Variants in ALOX5AP observed in about 807,000 individuals in gnomAD.
ALOX5AP encodes the protein arachidonate 5-lipoxygenase-activating protein.
Under a neutral mutation model 18.5 loss-of-function variants are expected in ALOX5AP, and 9 were observed. The observed-to-expected ratio is 0.49, with a 90% CI of 0.29 to 0.85. The LOEUF is 0.85. Ranked by LOEUF, ALOX5AP falls within the 40% of genes least tolerant of loss-of-function variation. ALOX5AP has a pLI of 0.08. For missense variants in ALOX5AP, 172 were observed against 202.5 expected, an observed-to-expected ratio of 0.85 and a Z score of 0.91; for synonymous variants, 81 against 78.6, an observed-to-expected ratio of 1.03 and a Z score of -0.16.
At chr13:30,762,479 C>G (rs1951949712) in intron 4 of ALOX5AP, among the ~76,000 whole-genome samples, 1 of 151,816 alleles carries the variant, frequency 6.6e-6, no homozygotes, top group Admixed American at 6.6e-5. Flanking sequence ...ATCCCAGCTA[C>G]TCAGGAGGCT....
At chr13:30,758,782 T>C (rs888456478) in intron 4 of ALOX5AP, among the ~76,000 whole-genome samples, 12 of 151,900 alleles carry the variant, frequency 7.9e-5, no homozygotes, top group African/African-American at 2.7e-4. Flanking sequence ...TCTCTTCTCT[T>C]TTCCCCTTCC....
intron 1 of ALOX5AP, among the ~76,000 whole-genome samples, chr13:30,722,167 C>T (rs1431527961): frequency 6.6e-6 from 1 of 152,178 alleles, no homozygotes; most frequent in African/African-American, 2.4e-5. Context: ...GACATAATTC[C>T]TCATTTCACT....
chr13:30,760,842 C>T (rs1049539202), intron 4 of ALOX5AP, among the ~76,000 whole-genome samples: 1 of 152,162 alleles, frequency 6.6e-6, no homozygotes. Flanking sequence ...ACCTTCCTCA[C>T]TCATTTAGGA....
Position 30,751,468 on chromosome 13 carries a change from C to T in ALOX5AP, c.171-584C>T, listed in dbSNP as rs188276697. On this transcript the variant is annotated intron_variant, in intron 2 of 4. Coordinates refer to ENST00000380490, the MANE Select transcript of ALOX5AP (RefSeq NM_001629.4). ...AGAGAGGAAGGGTGCAAAACATCCA[C>T]GGTAGAGTGAGAACTCTCCAGGGAG... 4.0e-4 allele frequency among the ~76,000 whole-genome samples: 61 copies of T among 152,340 alleles called. No individual in the cohort carries two copies. The East Asian group carries it at 0.011, about 27-fold the overall frequency.
chr13:30,743,946 AGGGTT>A, intron 1 of ALOX5AP, 109 bp from the exon 2 acceptor site: 1 of 770,116 alleles, frequency 1.3e-6, no homozygotes, highest in Non-Finnish European at 2.2e-6. Context: ...GAGGACATTT[AGGGTT>A]GCTTGGAGGT....
chr13:30,750,469 A>G (rs1301737337), intron 2 of ALOX5AP, among the ~76,000 whole-genome samples: 5 of 152,160 alleles, frequency 3.3e-5, no homozygotes, highest in Non-Finnish European at 7.4e-5. Context: ...GAGGACACCT[A>G]TGATTTAATT....
At chr13:30,717,219 A>G (rs1159366349) in intron 1 of ALOX5AP, among the ~76,000 whole-genome samples, 1 of 152,254 alleles carries the variant, frequency 6.6e-6, no homozygotes, top group African/African-American at 2.4e-5. Flanking sequence ...GGCAGAAGCC[A>G]GACCTCTTTT....
intron 1 of ALOX5AP, among the ~76,000 whole-genome samples, chr13:30,715,424 G>C (rs888377848): frequency 5.9e-5 from 9 of 152,214 alleles, no homozygotes; most frequent in African/African-American, 1.9e-4. Context: ...CCAGAGTGAA[G>C]GTGGTGAGTG....
At position 30,759,031 on chromosome 13, in the gene ALOX5AP, C is replaced by T. The variant is rs532603879; in HGVS notation, c.323+3006C>T. On this transcript the variant is annotated intron_variant, in intron 4 of 4. Coordinates refer to ENST00000380490, the MANE Select transcript of ALOX5AP (RefSeq NM_001629.4). ...ATAGGGTTTAGCTATGTTGGCCAGG[C>T]TGGTCTCGAACTGCTGAACTCAAGC... 3.9e-5 allele frequency among the ~76,000 whole-genome samples: 6 copies of T among 152,294 alleles called. No individual in the cohort carries two copies. The East Asian group carries it at 1.2e-3, about 29-fold the overall frequency.
In ALOX5AP at chr13:30,735,592, A is replaced by C; in HGVS notation, c.-14A>C. 6.2e-7 allele frequency: 1 copy of C among 1,613,996 alleles called. No homozygotes were observed. Among genetic ancestry groups the C allele is most frequent in the East Asian group, 2.2e-5 (1 of 44,874 alleles). ...GGAGGCAGAGCAGTCCTCTCTGGGG[A>C]GCCTGAAGCAAACATGGATCAAGAA... is the stretch of plus-strand genomic sequence containing the variant. On this transcript the variant is annotated 5_prime_UTR_variant, in exon 1 of 5. Coordinates refer to ENST00000380490, the MANE Select transcript of ALOX5AP (RefSeq NM_001629.4).
At chr13:30,738,091 A>T (rs946674646) in intron 1 of ALOX5AP, among the ~76,000 whole-genome samples, 1 of 152,182 alleles carries the variant, frequency 6.6e-6, no homozygotes, top group African/African-American at 2.4e-5. Flanking sequence ...AAAGATTTCC[A>T]TGGTGTTACC....
upstream of ALOX5AP, chr13:30,735,457 A>G: frequency 1.6e-6 from 2 of 1,264,552 alleles, no homozygotes; most frequent in South Asian, 1.8e-5. Flanking sequence ...AAAAAAAAAA[A>G]AAGGAAGAAG....
chr13:30,747,858 G>A (rs916042769), intron 2 of ALOX5AP, among the ~76,000 whole-genome samples: 5 of 152,096 alleles, frequency 3.3e-5, no homozygotes, highest in African/African-American at 9.7e-5. Flanking sequence ...CCACCCTCAT[G>A]TCGCTTCTCC....
At chr13:30,737,980 A>G (rs1404262724) in intron 1 of ALOX5AP, among the ~76,000 whole-genome samples, 4 of 152,232 alleles carry the variant, frequency 2.6e-5, no homozygotes, top group Non-Finnish European at 5.9e-5. Context: ...TGTTGCAACC[A>G]TAGACCTACC....
intron 1 of ALOX5AP, 122 bp downstream of exon 1, chr13:30,735,797 TTTA>T: frequency 4.4e-6 from 5 of 1,139,772 alleles, no homozygotes; most frequent in Non-Finnish European, 6.2e-6. Flanking sequence ...TTACCTTATC[TTTA>T]TTTTCTTCTT....
intron 4 of ALOX5AP, among the ~76,000 whole-genome samples, chr13:30,756,576 A>AG (rs1951896142): frequency 6.6e-6 from 1 of 152,120 alleles, no homozygotes; most frequent in Admixed American, 6.5e-5. Flanking sequence ...TGGGAGGCTG[A>AG]GGTGGGTGGA....
At chr13:30,756,159 C>G in intron 4 of ALOX5AP, 134 bp downstream of exon 4, 1 of 733,230 alleles carries the variant, frequency 1.4e-6, no homozygotes, top group Middle Eastern at 3.9e-4. Flanking sequence ...GGAAGGCTGA[C>G]TAGGACCTCT....
chr13:30,736,080 T>C (rs190612999), intron 1 of ALOX5AP, among the ~76,000 whole-genome samples: 9 of 152,330 alleles, frequency 5.9e-5, no homozygotes. Context: ...ACATCTGCAG[T>C]GCAATTGAAG....
At chr13:30,761,561 G>A (rs1026826700) in intron 4 of ALOX5AP, among the ~76,000 whole-genome samples, 5 of 152,170 alleles carry the variant, frequency 3.3e-5, no homozygotes, top group African/African-American at 9.7e-5. Flanking sequence ...ACCAGCACTA[G>A]CAGGGGACTC....
Sources: gnomAD v4.1 joint callset for allele counts (sites outside exome capture counted in the v4.1 genomes callset) on GRCh38, gnomAD v4.1.1 for gene constraint, MANE v1.5 for transcripts, NCBI Gene and HGNC (gene_info 2026-07-23, HGNC 2026-07-21) for gene names.